Variants in SV2B observed in about 807,000 individuals in gnomAD.
SV2B encodes the protein synaptic vesicle glycoprotein 2B, also known as solute carrier family 22 member B2.
SV2B carries 41 observed loss-of-function variants against 73.9 expected under a neutral mutation model. The ratio of observed to expected loss-of-function variants is 0.56; its 90% CI spans 0.43 to 0.72. The LOEUF (loss-of-function observed/expected upper bound fraction) is 0.72. Among genes scored for constraint, SV2B ranks in the 30% least tolerant of loss-of-function variants. The probability of loss-of-function intolerance (pLI) is 0.00; values close to 1 mark genes in which losing one functional copy is unlikely to be tolerated. For missense variants in SV2B, 764 were observed against 857.8 expected (o/e 0.89, Z 1.37); for synonymous variants, 314 against 314.2 (o/e 1.00, Z 0.01).
Position 91,128,601 on chromosome 15 carries a change from C to A in SV2B, c.-392+28238C>A, listed in dbSNP as rs1042495384. The A allele has an allele frequency of 6.6e-5, 10 of 152,210 alleles. No individual in the cohort carries two copies. Among genetic ancestry groups the A allele is most frequent in the African/African-American group, 1.9e-4 (8 of 41,426 alleles). The allele number at this position is 152,210 out of a possible 1,614,324, so 9.4% of individuals were successfully genotyped here. On this transcript the variant is annotated intron_variant, in intron 1 of 12. Coordinates refer to ENST00000394232, the MANE Select transcript of SV2B (RefSeq NM_001323032.3). This position sits in a 1 kb window ranked among gnomAD's most constrained non-coding sequence, Gnocchi z 4.2. Reference sequence around the variant, plus strand: ...TCTTTCCCAGGGCAGATCATAGAAACCAGAATACTTTTTCCCCAAAGCCAG... The same window carrying A: ...TCTTTCCCAGGGCAGATCATAGAAAACAGAATACTTTTTCCCCAAAGCCAG...
Position 91,288,116 on chromosome 15 carries a change from G to GA in SV2B, c.1709-1403dup, listed in dbSNP as rs2141794664. Among the ~76,000 whole-genome samples the GA allele has an allele frequency of 6.6e-6, 1 of 152,296 alleles. No individual in the cohort carries two copies. Among genetic ancestry groups the GA allele is most frequent in the Non-Finnish European group, 1.5e-5 (1 of 68,034 alleles). On this transcript the variant is annotated intron_variant, in intron 11 of 12. Coordinates refer to ENST00000394232, the MANE Select transcript of SV2B (RefSeq NM_001323032.3). The surrounding 1 kb of genome is among the most constrained non-coding windows in gnomAD (Gnocchi z 5.8). ...TGTACAGAGGATAGCGCAGGGCTGA[G>GA]AAGGGCAAGTCAGATCTCTGGGGTG... is the stretch of plus-strand genomic sequence containing the variant.
Position 91,293,567 on chromosome 15 carries a change from G to A in SV2B, c.*1015G>A, listed in dbSNP as rs1054656531. ...ATCTTCAGTGCTGGCATTTTACTTTGCCACTACCCAAAAACAATGTGAGAT... is the reference window on the plus strand; with the variant it reads ...ATCTTCAGTGCTGGCATTTTACTTTACCACTACCCAAAAACAATGTGAGAT... On this transcript the variant is annotated 3_prime_UTR_variant, in exon 13 of 13. Transcript: ENST00000394232. The A allele has an allele frequency of 3.9e-5, 6 of 152,184 alleles. No homozygotes were observed. Among genetic ancestry groups the A allele is most frequent in the Admixed American group, 3.9e-4 (6 of 15,282 alleles). 9.4% of individuals were successfully genotyped at this position (152,184 alleles called of 1,614,324 possible).
At chr15:91,107,668 G>C (rs1460708025) in intron 1 of SV2B, among the ~76,000 whole-genome samples, 1 of 152,010 alleles carries the variant, frequency 6.6e-6, no homozygotes, top group African/African-American at 2.4e-5. Flanking sequence ...GGAGTGCAGT[G>C]GCGTGAACTC....
chr15:91,206,018 G>C (rs2045622940), intron 1 of SV2B, among the ~76,000 whole-genome samples: 1 of 151,918 alleles, frequency 6.6e-6, no homozygotes, highest in Non-Finnish European at 1.5e-5. Context: ...TGTTTTTGTT[G>C]TTGTGGTGGT....
In SV2B at chr15:91,227,400, A is replaced by G. The variant is rs903840746; in HGVS notation, c.451+686A>G. On this transcript the variant is annotated intron_variant, in intron 2 of 12. Coordinates refer to ENST00000394232, the MANE Select transcript of SV2B (RefSeq NM_001323032.3). The surrounding 1 kb of genome is among the most constrained non-coding windows in gnomAD (Gnocchi z 4.5). ...TGAGGCAGAGAGGATTTGTGAAATT[A>G]GAGAGACGGTGTGCACAAATGGTGT... Among the ~76,000 whole-genome samples, 3 of 152,222 alleles carry G rather than the reference A, an allele frequency of 2.0e-5. No homozygotes were observed. The highest frequency in any genetic ancestry group is 4.4e-5 in the Non-Finnish European group (3 of 68,038).
Position 91,259,692 on chromosome 15 carries a change from A to T in SV2B, c.919-628A>T, listed in dbSNP as rs188970256. ...CTTTCAGATTCTGGTGGTTTGTGGC[A>T]ATTTTGACCATTCCTTGGCTTGCAG... On this transcript the variant is annotated intron_variant, in intron 5 of 12. Transcript: ENST00000394232. Among the ~76,000 whole-genome samples, 320 of 152,216 alleles carry T rather than the reference A, an allele frequency of 2.1e-3. 1 individual carries two copies. The highest frequency in any genetic ancestry group is 7.5e-3 in the African/African-American group (311 of 41,552).
rs193121702 is a variant in SV2B at position 91,240,293 on chromosome 15, T to A, written c.452-11526T>A. ...TATTAAAATACTATTAGTACCTGCC[T>A]ACAGAAGCATTGTGAGGATTAAATA... On this transcript the variant is annotated intron_variant, in intron 2 of 12. Coordinates refer to ENST00000394232, the MANE Select transcript of SV2B (RefSeq NM_001323032.3). The surrounding 1 kb of genome is among the most constrained non-coding windows in gnomAD (Gnocchi z 4.6). 1.7e-3 allele frequency among the ~76,000 whole-genome samples: 253 copies of A among 152,320 alleles called. No homozygotes were observed. Among genetic ancestry groups the A allele is most frequent in the Non-Finnish European group, 2.9e-3 (194 of 68,030 alleles).
chr15:91,115,196 T>C lies in SV2B; in HGVS notation c.-392+14833T>C, dbSNP rs185215701. On this transcript the variant is annotated intron_variant, in intron 1 of 12. Transcript: ENST00000394232. The surrounding 1 kb of genome is among the most constrained non-coding windows in gnomAD (Gnocchi z 4.3). The stretch of plus-strand genomic sequence containing the variant: ...AATAAAGATTACAAAGTGCTACCTT[T>C]AAAGGAAAATTGGAGAGTTGTTGCT... Among the ~76,000 whole-genome samples, 23 of 152,342 alleles carry C rather than the reference T, an allele frequency of 1.5e-4. No individual in the cohort carries two copies. The highest frequency in any genetic ancestry group is 1.5e-3 in the Admixed American group (23 of 15,304).
rs1479452188 is a variant in SV2B at position 91,141,257 on chromosome 15, A to C, written c.-392+40894A>C. Among the ~76,000 whole-genome samples the C allele has an allele frequency of 2.0e-5, 3 of 152,148 alleles. No individual in the cohort carries two copies. The highest frequency in any genetic ancestry group is 7.2e-5 in the African/African-American group (3 of 41,436). Reference sequence around the variant, plus strand: ...TTTCTGATGTACAGCTTGAGTTGGGAACTGCCGATGCTGAGTTAGAGCTAT... The same window carrying C: ...TTTCTGATGTACAGCTTGAGTTGGGCACTGCCGATGCTGAGTTAGAGCTAT... On this transcript the variant is annotated intron_variant, in intron 1 of 12. Transcript: ENST00000394232. This position sits in a 1 kb window ranked among gnomAD's most constrained non-coding sequence, Gnocchi z 4.6.
At chr15:91,230,917 G>A (rs1456669025) in intron 2 of SV2B, among the ~76,000 whole-genome samples, 1 of 152,164 alleles carries the variant, frequency 6.6e-6, no homozygotes, top group Non-Finnish European at 1.5e-5. Context: ...ACAGTGTGAA[G>A]GGATAGAGCT....
chr15:91,214,724 G>A lies in SV2B; in HGVS notation c.-391-11149G>A, dbSNP rs1001192889. Reference sequence around the variant, plus strand: ...GGCAAGCTGCCCATAATTGGTCTTTGTTAGGGCTTCCTTCCCCATTCCACT... The same window carrying A: ...GGCAAGCTGCCCATAATTGGTCTTTATTAGGGCTTCCTTCCCCATTCCACT... On this transcript the variant is annotated intron_variant, in intron 1 of 12. Coordinates refer to ENST00000394232, the MANE Select transcript of SV2B (RefSeq NM_001323032.3). This position sits in a 1 kb window ranked among gnomAD's most constrained non-coding sequence, Gnocchi z 4.7. Among the ~76,000 whole-genome samples, 4 of 152,214 alleles carry A rather than the reference G, an allele frequency of 2.6e-5. No individual in the cohort carries two copies. The highest frequency in any genetic ancestry group is 5.9e-5 in the Non-Finnish European group (4 of 68,038).
rs1567433156 is a variant in SV2B, at chr15:91,284,124, G to C, written c.1611G>C (p.Leu537=). The change falls in exon 11 of 13, where the codon CTG becomes CTC. Residue 537 remains leucine, a synonymous_variant. Coordinates refer to ENST00000394232, the MANE Select transcript of SV2B (RefSeq NM_001323032.3). This position sits in a 1 kb window ranked among gnomAD's most constrained non-coding sequence, Gnocchi z 4.5. ...ACTTGGAGCAAGATAATGACTTCCT[G>C]ATTTACCTCGTCAGCTTCCTGGGCA... The part of the protein sequence containing the change: ...HMDLEQDNDF[L]IYLVSFLGSL... The C allele has an allele frequency of 1.2e-6, 2 of 1,614,070 alleles. No individual in the cohort carries two copies. The highest frequency in any genetic ancestry group is 1.3e-5 in the African/African-American group (1 of 74,912).
At chr15:91,225,380 A>G (rs1255596056) in intron 1 of SV2B, among the ~76,000 whole-genome samples, 1 of 152,192 alleles carries the variant, frequency 6.6e-6, no homozygotes, top group Non-Finnish European at 1.5e-5. Flanking sequence ...GAAAAGCGGC[A>G]TTTTCGTAGC....
chr15:91,111,921 C>T (rs1218356334), intron 1 of SV2B, among the ~76,000 whole-genome samples: 1 of 152,044 alleles, frequency 6.6e-6, no homozygotes, highest in African/African-American at 2.4e-5. Context: ...TGAGAACTCA[C>T]TCACTATTGC....
In SV2B at chr15:91,268,645, C is replaced by T. The variant is rs192224394; in HGVS notation, c.1373+40C>T. 2 of 1,594,570 alleles carry T rather than the reference C, an allele frequency of 1.3e-6. No homozygotes were observed. The highest frequency in any genetic ancestry group is 4.5e-5 in the East Asian group (2 of 44,364). On this transcript the variant is annotated intron_variant, in intron 9 of 12. Coordinates refer to ENST00000394232, the MANE Select transcript of SV2B (RefSeq NM_001323032.3). This position sits in a 1 kb window ranked among gnomAD's most constrained non-coding sequence, Gnocchi z 4.4. ...ACGGGCTTCCCTCACATCAGGGTGACAGTCGTGGGGACTGTTATTGGGAGG... is the reference window on the plus strand; with the variant it reads ...ACGGGCTTCCCTCACATCAGGGTGATAGTCGTGGGGACTGTTATTGGGAGG...
In SV2B at chr15:91,284,255, A is replaced by C; in HGVS notation, c.1708+34A>C. ...CCAGCAGGGTCATTCCTGGGTTCCAACGCGCTGGGGTGGTGACTTTCAAGT... is the reference window on the plus strand; with the variant it reads ...CCAGCAGGGTCATTCCTGGGTTCCACCGCGCTGGGGTGGTGACTTTCAAGT... On this transcript the variant is annotated intron_variant, in intron 11 of 12. Transcript: ENST00000394232. The surrounding 1 kb of genome is among the most constrained non-coding windows in gnomAD (Gnocchi z 4.5). The C allele has an allele frequency of 1.9e-6, 3 of 1,609,906 alleles. No individual in the cohort carries two copies. Among genetic ancestry groups the C allele is most frequent in the Non-Finnish European group, 2.5e-6 (3 of 1,176,620 alleles).
chr15:91,116,416 G>A (rs533890754), intron 1 of SV2B, among the ~76,000 whole-genome samples: 1 of 152,310 alleles, frequency 6.6e-6, no homozygotes, highest in African/African-American at 2.4e-5. Context: ...GCTGGCAATT[G>A]TGTAATAATT....
At chr15:91,145,651 G>A (rs1478670583) in intron 1 of SV2B, among the ~76,000 whole-genome samples, 2 of 152,098 alleles carry the variant, frequency 1.3e-5, no homozygotes, top group African/African-American at 4.8e-5. Context: ...AGCAGTATCT[G>A]TTATTTTTTG....
Position 91,123,759 on chromosome 15 carries a change from G to T in SV2B, c.-392+23396G>T, listed in dbSNP as rs1387584487. 6.6e-6 allele frequency among the ~76,000 whole-genome samples: 1 copy of T among 152,148 alleles called. No individual in the cohort carries two copies. The highest frequency in any genetic ancestry group is 6.5e-5 in the Admixed American group (1 of 15,280). ...TGCACTACTCCTTTCTCTATTCTGG[G>T]CGTGTCTTCACTGAAGGTCTCCAGA... is the stretch of plus-strand genomic sequence containing the variant. On this transcript the variant is annotated intron_variant, in intron 1 of 12. Coordinates refer to ENST00000394232, the MANE Select transcript of SV2B (RefSeq NM_001323032.3). The surrounding 1 kb of genome is among the most constrained non-coding windows in gnomAD (Gnocchi z 4.7).
Sources: allele counts gnomAD v4.1 joint callset (sites outside exome capture counted in the v4.1 genomes callset), GRCh38; gene constraint gnomAD v4.1.1; non-coding constraint Gnocchi (gnomAD v3.1); transcripts MANE v1.5; gene names NCBI Gene and HGNC (gene_info 2026-07-23, HGNC 2026-07-21).